KCNIP1: variants seen among roughly 807,000 people sequenced by gnomAD.
KCNIP1 encodes the protein potassium voltage-gated channel interacting protein 1.
In KCNIP1, 18 loss-of-function variants were observed where a neutral mutation model predicts 33.0. The ratio of observed to expected loss-of-function variants is 0.55; its 90% CI spans 0.38 to 0.81. KCNIP1 has a LOEUF of 0.81. KCNIP1 is among the 30% of genes least tolerant of loss of function. KCNIP1 has a pLI of 0.00. For synonymous variants in KCNIP1, 93 were observed against 98.3 expected (o/e 0.95, Z 0.32); for missense variants, 238 against 271.6 (o/e 0.88, Z 0.87).
chr5:170,699,556 G>GGA (rs1763020266), intron 1 of KCNIP1, among the ~76,000 whole-genome samples: 1 of 111,962 alleles, frequency 8.9e-6, no homozygotes. Flanking sequence ...ATTGCTCTGT[G>GGA]AAAAAAAAAA....
chr5:170,486,268 G>C (rs1237892217), intron 1 of KCNIP1: 1 of 152,178 alleles, frequency 6.6e-6, no homozygotes, highest in East Asian at 1.9e-4. Context: ...GTGGACATCA[G>C]GCCCTGTTTT....
intron 1 of KCNIP1, among the ~76,000 whole-genome samples, chr5:170,403,538 G>A (rs190719754): frequency 1.3e-5 from 2 of 152,274 alleles, no homozygotes; most frequent in East Asian, 3.9e-4. Context: ...GTTTACTCCT[G>A]TCATCTCCTT....
Position 170,718,765 on chromosome 5 carries a change from T to C in KCNIP1, c.69T>C (p.Ile23=), listed in dbSNP as rs1266649126. The change falls in exon 2 of 8, where the codon ATT becomes ATC. Residue 23 remains isoleucine (I), a synonymous_variant. Coordinates refer to ENST00000328939, the MANE Select transcript of KCNIP1 (RefSeq NM_014592.4). ...CATCTCCTCTGGTTCCAGATAAGAT[T>C]GAAGATGAGCTGGAGATGACCATGG... is the stretch of plus-strand genomic sequence containing the variant. ...TKQRRPSKDK[I]EDELEMTMVC... The C allele has an allele frequency of 6.2e-7, 1 of 1,613,560 alleles. No individual in the cohort carries two copies. Among genetic ancestry groups the C allele is most frequent in the Non-Finnish European group, 8.5e-7 (1 of 1,179,810 alleles).
chr5:170,492,219 T>G (rs1757221905), intron 1 of KCNIP1, among the ~76,000 whole-genome samples: 1 of 152,186 alleles, frequency 6.6e-6, no homozygotes, highest in South Asian at 2.1e-4. Flanking sequence ...TAAGACTCCT[T>G]CCTCAGGTCT....
intron 2 of KCNIP1, 56 bp from the exon 3 acceptor site, chr5:170,720,265 C>T: frequency 7.8e-7 from 1 of 1,288,422 alleles, no homozygotes; most frequent in Non-Finnish European, 1.1e-6. Flanking sequence ...TGGGCCCAGT[C>T]TTCTCCTAGT....
At chr5:170,463,042 G>A (rs944665172) in intron 1 of KCNIP1, among the ~76,000 whole-genome samples, 1 of 151,950 alleles carries the variant, frequency 6.6e-6, no homozygotes, top group African/African-American at 2.4e-5. Flanking sequence ...GGTGATGGGT[G>A]CACCAAAATC....
intron 1 of KCNIP1, among the ~76,000 whole-genome samples, chr5:170,694,697 T>G (rs1762833480): frequency 6.6e-6 from 1 of 152,210 alleles, no homozygotes; most frequent in Non-Finnish European, 1.5e-5. Flanking sequence ...TTCTTTTTAA[T>G]TGCTCTTTTC....
chr5:170,443,061 C>T (rs1483963786), intron 1 of KCNIP1, among the ~76,000 whole-genome samples: 5 of 152,182 alleles, frequency 3.3e-5, no homozygotes, highest in Admixed American at 2.0e-4. Flanking sequence ...CTTCCCTCAT[C>T]CTGTGGGGAG....
chr5:170,716,168 A>G (rs1490302122), intron 1 of KCNIP1, among the ~76,000 whole-genome samples: 2 of 152,348 alleles, frequency 1.3e-5, no homozygotes, highest in South Asian at 2.1e-4. Context: ...TAGACAAGTT[A>G]AATCAGTGCA....
At chr5:170,561,821 T>C (rs1757043689) in intron 1 of KCNIP1, among the ~76,000 whole-genome samples, 1 of 152,250 alleles carries the variant, frequency 6.6e-6, no homozygotes, top group Non-Finnish European at 1.5e-5. Context: ...GACTGAGACC[T>C]GCCCCCACAG....
chr5:170,698,164 G>A (rs1464919305), intron 1 of KCNIP1, among the ~76,000 whole-genome samples: 4 of 152,052 alleles, frequency 2.6e-5, no homozygotes, highest in Admixed American at 6.5e-5. Context: ...AAGCACTGCC[G>A]GGTACCCGGG....
rs529958845 is a variant in KCNIP1, at chr5:170,733,512, TC to T, written c.541-323del. Among the ~76,000 whole-genome samples the T allele has an allele frequency of 3.9e-5, 6 of 152,338 alleles. No individual in the cohort carries two copies. In the South Asian group the frequency reaches 1.0e-3, roughly 26 times the overall value. The stretch of plus-strand genomic sequence containing the variant: ...CAAGTAACAGGCCAGAATCAGAACC[TC>T]TTTTGCCCAGTGTTCTGCCAGATGG... On this transcript the variant is annotated intron_variant, in intron 6 of 7. Transcript: ENST00000328939.
At chr5:170,582,523 A>G (rs926337067) in intron 1 of KCNIP1, among the ~76,000 whole-genome samples, 1 of 152,220 alleles carries the variant, frequency 6.6e-6, no homozygotes, top group African/African-American at 2.4e-5. Flanking sequence ...CCAGGCATTT[A>G]AAAGGTGAGC....
At chr5:170,476,946 TAA>T (rs1382105076) in intron 1 of KCNIP1, among the ~76,000 whole-genome samples, 3 of 152,240 alleles carry the variant, frequency 2.0e-5, no homozygotes, top group African/African-American at 7.2e-5. Flanking sequence ...AATCCTAATG[TAA>T]ACTATAGACT....
intron 1 of KCNIP1, among the ~76,000 whole-genome samples, chr5:170,475,419 AGGAG>A (rs1485306536): frequency 6.6e-6 from 1 of 152,326 alleles, no homozygotes; most frequent in African/African-American, 2.4e-5. Context: ...TGTCTAGAAG[AGGAG>A]GGCGGTGCTG....
chr5:170,720,420 C>T (rs1390324703), intron 3 of KCNIP1, 30 bp downstream of exon 3: 2 of 1,538,006 alleles, frequency 1.3e-6, no homozygotes, highest in Non-Finnish European at 1.8e-6. Flanking sequence ...CTATCTTGCC[C>T]AGCTCCCTCT....
chr5:170,552,495 T>G (rs1756684734), intron 1 of KCNIP1, among the ~76,000 whole-genome samples: 1 of 151,902 alleles, frequency 6.6e-6, no homozygotes, highest in African/African-American at 2.4e-5. Context: ...AGGGGCTGCT[T>G]TAAATTCAGA....
At chr5:170,667,205 G>A (rs984009105) in intron 1 of KCNIP1, among the ~76,000 whole-genome samples, 3 of 151,862 alleles carry the variant, frequency 2.0e-5, no homozygotes, top group Non-Finnish European at 2.9e-5. Context: ...CCAGCTACCC[G>A]GGAGGCTGAG....
At chr5:170,598,813 G>A (rs1034036347) in intron 1 of KCNIP1, among the ~76,000 whole-genome samples, 2 of 152,102 alleles carry the variant, frequency 1.3e-5, no homozygotes, top group African/African-American at 4.8e-5. Flanking sequence ...TGTCATCATA[G>A]ATGCCAAAGC....
Sources: allele counts gnomAD v4.1 joint callset (sites outside exome capture counted in the v4.1 genomes callset), GRCh38; gene constraint gnomAD v4.1.1; transcripts MANE v1.5; gene names NCBI Gene and HGNC (gene_info 2026-07-23, HGNC 2026-07-21).